KCNT2: variants seen among roughly 807,000 people sequenced by gnomAD.
The protein encoded by KCNT2 is potassium channel subfamily T member 2.
KCNT2 carries 67 observed loss-of-function variants against 153.8 expected under a neutral mutation model. The observed-to-expected ratio is 0.44, with a 90% CI of 0.36 to 0.53. The LOEUF (loss-of-function observed/expected upper bound fraction) is 0.53. KCNT2 is among the 20% of genes least tolerant of loss of function. The pLI is 0.00. For synonymous variants in KCNT2, 500 were observed against 458.8 expected (o/e 1.09, Z -1.15); for missense variants, 975 against 1,354.8 (o/e 0.72, Z 4.40).
chr1:196,464,312 T>C (rs1433826649), intron 8 of KCNT2, among the ~76,000 whole-genome samples: 2 of 151,886 alleles, frequency 1.3e-5, no homozygotes, highest in African/African-American at 4.8e-5. Flanking sequence ...GGTTATTTTA[T>C]ATTTAAAAGC....
chr1:196,540,884 G>A lies in KCNT2; in HGVS notation c.96-48543C>T, dbSNP rs568803307. Among the ~76,000 whole-genome samples, 152 of 152,060 alleles carry A rather than the reference G, an allele frequency of 1.0e-3. 1 individual carries two copies. Among genetic ancestry groups the A allele is most frequent in the Middle Eastern group, 3.4e-3 (1 of 292 alleles). On this transcript the variant is annotated intron_variant, in intron 1 of 27. Transcript: ENST00000294725. Reference sequence around the variant, plus strand: ...GATCGAGACCATCCTGGCTAACATGGTGAAACCCTGTCTCTACTAAAAATA... The same window carrying A: ...GATCGAGACCATCCTGGCTAACATGATGAAACCCTGTCTCTACTAAAAATA...
rs77399710 is a variant in KCNT2, at chr1:196,248,939, C to T, written c.3211+9255G>A. ...AGTATTAACAGACTGAATTCAACAG[C>T]ACATTAGAAAGATTATTCATCATGA... On this transcript the variant is annotated intron_variant, in intron 26 of 27. Coordinates refer to ENST00000294725, the MANE Select transcript of KCNT2 (RefSeq NM_198503.5). Among the ~76,000 whole-genome samples the T allele has an allele frequency of 2.9e-3, 447 of 152,216 alleles. 4 individuals carry two copies. Among genetic ancestry groups the T allele is most frequent in the African/African-American group, 0.01 (432 of 41,546 alleles).
intron 13 of KCNT2, among the ~76,000 whole-genome samples, chr1:196,381,379 T>G (rs1166247455): frequency 6.6e-6 from 1 of 152,038 alleles, no homozygotes; most frequent in Non-Finnish European, 1.5e-5. Context: ...TATCAGCTTC[T>G]GATAGTATCG....
At chr1:196,368,134 T>C (rs1668195872) in intron 14 of KCNT2, among the ~76,000 whole-genome samples, 1 of 152,176 alleles carries the variant, frequency 6.6e-6, no homozygotes, top group African/African-American at 2.4e-5. Context: ...AGATATTACA[T>C]TACATGGGGC....
rs145021878 is a variant in KCNT2 at position 196,375,256 on chromosome 1, T to C, written c.1295-2008A>G. Among the ~76,000 whole-genome samples the C allele has an allele frequency of 2.1e-3, 324 of 151,950 alleles. 1 individual carries two copies. Among genetic ancestry groups the C allele is most frequent in the African/African-American group, 7.0e-3 (292 of 41,548 alleles). On this transcript the variant is annotated intron_variant, in intron 13 of 27. Transcript: ENST00000294725. The stretch of plus-strand genomic sequence containing the variant: ...GATTCCTACATTTCGATAGTCATTT[T>C]TGTATTTGCATGTGTCTTTTTTCTA...
chr1:196,303,916 G>A (rs1269978610), intron 22 of KCNT2, among the ~76,000 whole-genome samples: 8 of 152,148 alleles, frequency 5.3e-5, no homozygotes, highest in Non-Finnish European at 1.5e-5. Context: ...TTTCAAGTCT[G>A]AGTCAATTTA....
chr1:196,594,578 G>A (rs539501234), intron 1 of KCNT2, among the ~76,000 whole-genome samples: 1 of 152,146 alleles, frequency 6.6e-6, no homozygotes, highest in Non-Finnish European at 1.5e-5. Flanking sequence ...TTAAAGACAT[G>A]GCTTTACCTC....
At chr1:196,407,087 C>G (rs993923088) in intron 12 of KCNT2, among the ~76,000 whole-genome samples, 5 of 151,512 alleles carry the variant, frequency 3.3e-5, no homozygotes, top group African/African-American at 1.2e-4. Flanking sequence ...ACGGTACACT[C>G]CATAAATTGT....
At chr1:196,337,707 G>C (rs912443383) in intron 16 of KCNT2, among the ~76,000 whole-genome samples, 1 of 151,912 alleles carries the variant, frequency 6.6e-6, no homozygotes, top group African/African-American at 2.4e-5. Flanking sequence ...TTTCTTTCAG[G>C]TATCTGCTCA....
At chr1:196,527,472 CAG>C (rs1374778341) in intron 1 of KCNT2, among the ~76,000 whole-genome samples, 1 of 152,050 alleles carries the variant, frequency 6.6e-6, no homozygotes, top group Non-Finnish European at 1.5e-5. Flanking sequence ...ATTAGCAAAA[CAG>C]GGTAACGTAA....
rs187658551 is a variant in KCNT2, at chr1:196,282,676, T to C, written c.2698-320A>G. On this transcript the variant is annotated intron_variant, in intron 23 of 27. Transcript: ENST00000294725. The stretch of plus-strand genomic sequence containing the variant: ...AAAGCAAAAACCCCAAATGAAATGA[T>C]GACTATCATAAAAACTTGAAACAAT... Among the ~76,000 whole-genome samples the C allele has an allele frequency of 3.2e-3, 483 of 152,326 alleles. 5 individuals are homozygous for C. Among genetic ancestry groups the C allele is most frequent in the Non-Finnish European group, 1.3e-3 (86 of 68,024 alleles).
chr1:196,338,760 A>G (rs1459248403), intron 16 of KCNT2, among the ~76,000 whole-genome samples: 1 of 151,952 alleles, frequency 6.6e-6, no homozygotes, highest in Admixed American at 6.6e-5. Context: ...TCAGGGAGAG[A>G]AGGATGGAGG....
At chr1:196,375,153 T>C (rs1010498954) in intron 13 of KCNT2, among the ~76,000 whole-genome samples, 2 of 151,764 alleles carry the variant, frequency 1.3e-5, no homozygotes, top group African/African-American at 4.8e-5. Context: ...TGGGGGGCAA[T>C]GGCTGTGGGA....
At chr1:196,302,431 T>G (rs1202232407) in intron 22 of KCNT2, among the ~76,000 whole-genome samples, 1 of 152,232 alleles carries the variant, frequency 6.6e-6, no homozygotes, top group East Asian at 1.9e-4. Flanking sequence ...CAATATAGAT[T>G]TATTGCCTTA....
At chr1:196,500,636 A>G (rs528907826) in intron 1 of KCNT2, among the ~76,000 whole-genome samples, 1 of 152,332 alleles carries the variant, frequency 6.6e-6, no homozygotes, top group African/African-American at 2.4e-5. Context: ...AAATATTCAT[A>G]CTTAGTTTCT....
chr1:196,466,664 A>G (rs1677645380), intron 7 of KCNT2, among the ~76,000 whole-genome samples: 1 of 152,058 alleles, frequency 6.6e-6, no homozygotes, highest in South Asian at 2.1e-4. Flanking sequence ...TGTATATATA[A>G]TTTCATTTGA....
chr1:196,411,163 T>G (rs1672295810), intron 12 of KCNT2, among the ~76,000 whole-genome samples: 1 of 149,816 alleles, frequency 6.7e-6, no homozygotes, highest in Non-Finnish European at 1.5e-5. Context: ...CTTTTTTTCC[T>G]TCTGTTGAAG....
chr1:196,269,099 A>G (rs1447861151), intron 25 of KCNT2, among the ~76,000 whole-genome samples: 1 of 152,198 alleles, frequency 6.6e-6, no homozygotes, highest in Non-Finnish European at 1.5e-5. Context: ...GGGTAAAATG[A>G]TAGGTACCAA....
intron 1 of KCNT2, among the ~76,000 whole-genome samples, chr1:196,597,084 G>T (rs1664175102): frequency 1.3e-5 from 2 of 152,100 alleles, no homozygotes; most frequent in Non-Finnish European, 2.9e-5. Context: ...GTCCAATATA[G>T]GTGAAGAGGA....
Sources: gnomAD v4.1 joint callset for allele counts (sites outside exome capture counted in the v4.1 genomes callset) on GRCh38, gnomAD v4.1.1 for gene constraint, MANE v1.5 for transcripts, NCBI Gene and HGNC (gene_info 2026-07-23, HGNC 2026-07-21) for gene names.